TRIM2: variants seen among roughly 807,000 people sequenced by gnomAD.
The protein encoded by TRIM2 is tripartite motif-containing protein 2.
A neutral mutation model predicts 75.2 loss-of-function variants in TRIM2; 20 were observed. That is an observed-to-expected ratio of 0.27 (90% CI 0.19 to 0.39). The LOEUF (loss-of-function observed/expected upper bound fraction) is 0.39. Among genes scored for constraint, TRIM2 ranks in the 10% least tolerant of loss-of-function variants. The pLI is 1.00. For synonymous variants in TRIM2, 373 were observed against 388.3 expected (o/e 0.96, Z 0.46); for missense variants, 660 against 990.8 (o/e 0.67, Z 4.48).
intron 3 of TRIM2, among the ~76,000 whole-genome samples, chr4:153,282,135 C>T (rs768240407): frequency 1.1e-4 from 17 of 152,246 alleles, no homozygotes; most frequent in Non-Finnish European, 2.4e-4. Flanking sequence ...AGCTTTTGGC[C>T]TGCCCACCCA....
chr4:153,336,310 T>C lies in TRIM2; in HGVS notation c.*1344T>C. 1.0e-6 allele frequency: 1 copy of C among 982,464 alleles called. No homozygotes were observed. Among genetic ancestry groups the C allele is most frequent in the South Asian group, 4.7e-5 (1 of 21,176 alleles). 60.9% of individuals were successfully genotyped at this position (982,464 alleles called of 1,614,324 possible). A position where few individuals can be genotyped will look rare whatever the true frequency, so the allele number is the denominator to read the frequency against. ...TTTTGCCATTTTCCAAGAATGACGG[T>C]GGTGGCTTTTAGTCAGAAAATGGCC... On this transcript the variant is annotated 3_prime_UTR_variant, in exon 12 of 12. Coordinates refer to ENST00000338700, the MANE Select transcript of TRIM2 (RefSeq NM_015271.5).
chr4:153,251,488 A>T (rs557962403), intron 1 of TRIM2, among the ~76,000 whole-genome samples: 79 of 152,176 alleles, frequency 5.2e-4, no homozygotes, highest in Non-Finnish European at 7.5e-4. Context: ...AATACTTTTC[A>T]TAAAGTTTTT....
At chr4:153,257,441 T>G in intron 1 of TRIM2, 1 of 1,219,820 alleles carries the variant, frequency 8.2e-7, no homozygotes, top group Non-Finnish European at 1.0e-6. Context: ...TTGGTGTGAA[T>G]ACTGAAGGGG....
At chr4:153,232,023 C>A (rs950466732) in intron 1 of TRIM2, among the ~76,000 whole-genome samples, 9 of 152,172 alleles carry the variant, frequency 5.9e-5, no homozygotes, top group Middle Eastern at 3.4e-3. Context: ...GGATGCTCAA[C>A]CAGTCAGTAT....
intron 1 of TRIM2, among the ~76,000 whole-genome samples, chr4:153,193,816 TG>T (rs1733479092): frequency 6.6e-6 from 1 of 151,410 alleles, no homozygotes; most frequent in Non-Finnish European, 1.5e-5. Context: ...CTGGGCAAGG[TG>T]AATTGAGCAC....
chr4:153,163,169 A>G (rs1010394081), intron 1 of TRIM2, among the ~76,000 whole-genome samples: 1 of 152,002 alleles, frequency 6.6e-6, no homozygotes, highest in African/African-American at 2.4e-5. Flanking sequence ...TTATAATGGG[A>G]TCCATTTCTA....
intron 1 of TRIM2, among the ~76,000 whole-genome samples, chr4:153,233,070 A>G (rs2149807788): frequency 1.3e-5 from 2 of 152,314 alleles, no homozygotes; most frequent in South Asian, 4.1e-4. Context: ...GCGGCCTCTG[A>G]GTGAGTGAAT....
intron 11 of TRIM2, among the ~76,000 whole-genome samples, chr4:153,330,644 C>G (rs1054924576): frequency 2.0e-5 from 3 of 152,162 alleles, no homozygotes; most frequent in African/African-American, 7.2e-5. Context: ...TATCAATTGA[C>G]ACTGAAAAAT....
chr4:153,162,883 C>A (rs1021312946), intron 1 of TRIM2, among the ~76,000 whole-genome samples: 1 of 152,144 alleles, frequency 6.6e-6, no homozygotes, highest in African/African-American at 2.4e-5. Flanking sequence ...TCCAAGTGAT[C>A]AGTTACCACT....
chr4:153,221,512 C>T (rs1739980746), intron 1 of TRIM2, among the ~76,000 whole-genome samples: 1 of 152,196 alleles, frequency 6.6e-6, no homozygotes, highest in Non-Finnish European at 1.5e-5. Flanking sequence ...TCCTATAACC[C>T]TCTGTCCATA....
intron 1 of TRIM2, among the ~76,000 whole-genome samples, chr4:153,168,004 T>G (rs1730476325): frequency 6.6e-6 from 1 of 152,222 alleles, no homozygotes; most frequent in African/African-American, 2.4e-5. Flanking sequence ...TTTGCCAGTT[T>G]CTTTGCCATT....
At chr4:153,323,788 G>A (rs1403324251) in intron 9 of TRIM2, among the ~76,000 whole-genome samples, 2 of 152,122 alleles carry the variant, frequency 1.3e-5, no homozygotes, top group Non-Finnish European at 2.9e-5. Flanking sequence ...ATGGTGGCAC[G>A]GAGAATGAAT....
intron 1 of TRIM2, among the ~76,000 whole-genome samples, chr4:153,162,133 T>C (rs1330368489): frequency 2.6e-5 from 4 of 152,232 alleles, no homozygotes; most frequent in Non-Finnish European, 4.4e-5. Context: ...TCATTTAGCT[T>C]ACTGCTTGGC....
At chr4:153,170,883 A>G (rs1187787961) in intron 1 of TRIM2, among the ~76,000 whole-genome samples, 1 of 152,234 alleles carries the variant, frequency 6.6e-6, no homozygotes, top group African/African-American at 2.4e-5. Flanking sequence ...GATGTTAGCT[A>G]TAACCACTGA....
chr4:153,333,453 T>C (rs1490156601), intron 11 of TRIM2, among the ~76,000 whole-genome samples: 2 of 152,210 alleles, frequency 1.3e-5, no homozygotes, highest in South Asian at 2.1e-4. Context: ...CCAAAGTCAA[T>C]GTATTGGGTT....
Position 153,285,507 on chromosome 4 carries a change from T to TA in TRIM2, c.454-7468dup, listed in dbSNP as rs1760407794. Among the ~76,000 whole-genome samples, 3 of 152,234 alleles carry TA rather than the reference T, an allele frequency of 2.0e-5. 1 individual carries two copies. Among genetic ancestry groups the TA allele is most frequent in the South Asian group, 4.2e-4 (2 of 4,814 alleles). ...TGATAATATTGTAAATGGATTTTTT[T>TA]AAAAAAATAGAGATAGGTCTCACTA... On this transcript the variant is annotated intron_variant, in intron 3 of 11. Coordinates refer to ENST00000338700, the MANE Select transcript of TRIM2 (RefSeq NM_015271.5).
chr4:153,204,553 G>C lies in TRIM2; in HGVS notation c.23G>C (p.Gly8Ala), dbSNP rs757927978. Residue 8 changes from glycine (G) to alanine (A), a missense_variant, in exon 1 of 12, where the codon GGA (glycine) becomes GCA (alanine). Physicochemically the swap from Gly to Ala is moderately conservative, Grantham distance 60. Around this residue, in one of 2 missense-constraint regions of TRIM2, gnomAD observed 620 missense variants for 891.0 expected, o/e 0.70. Coordinates refer to ENST00000338700, the MANE Select transcript of TRIM2 (RefSeq NM_015271.5). ...TCGATGCACAGGAGTGGCCGTTATG[G>C]AACGCAGGTAAGGACGCTTCTCAAT... MHRSGRY[G>A]TQQQRAGSKT... 10 of 1,551,630 alleles carry C rather than the reference G, an allele frequency of 6.4e-6. No individual in the cohort carries two copies. Among genetic ancestry groups the C allele is most frequent in the Non-Finnish European group, 8.7e-6 (10 of 1,147,010 alleles).
intron 1 of TRIM2, among the ~76,000 whole-genome samples, chr4:153,233,360 G>T (rs766558019): frequency 2.0e-5 from 3 of 152,154 alleles, no homozygotes; most frequent in Non-Finnish European, 4.4e-5. Flanking sequence ...TTAGAAAATG[G>T]TGTGGGGGGT....
At chr4:153,210,255 G>A (rs1736619075) in intron 1 of TRIM2, among the ~76,000 whole-genome samples, 1 of 151,978 alleles carries the variant, frequency 6.6e-6, no homozygotes, top group South Asian at 2.1e-4. Context: ...AGGAGAGACA[G>A]GGTTTTGCCA....
Sources: allele counts gnomAD v4.1 joint callset (sites outside exome capture counted in the v4.1 genomes callset), GRCh38; gene constraint gnomAD v4.1.1; regional missense constraint gnomAD v4.1.1; transcripts MANE v1.5; gene names NCBI Gene and HGNC (gene_info 2026-07-23, HGNC 2026-07-21).